The following SYNPR variants were observed in gnomAD, a reference collection of about 807,000 sequenced individuals.
SYNPR encodes synaptoporin.
In SYNPR, 23 loss-of-function variants were observed where a neutral mutation model predicts 32.9. The ratio of observed to expected loss-of-function variants is 0.70; its 90% confidence interval spans 0.50 to 0.99. The LOEUF (loss-of-function observed/expected upper bound fraction) is 0.99, where lower values mean the gene tolerates loss of function less well. Ranked by LOEUF, SYNPR falls within the 50% of genes least tolerant of loss-of-function variation. The probability of loss-of-function intolerance (pLI) is 0.00; values close to 1 mark genes in which losing one functional copy is unlikely to be tolerated. For missense variants in SYNPR, 318 were observed against 349.3 expected (o/e 0.91, Z 0.71); for synonymous variants, 146 against 135.9 (o/e 1.07, Z -0.52).
chr3:63,242,009 G>A (rs1352355902), intron 1 of SYNPR, among the ~76,000 whole-genome samples: 1 of 151,866 alleles, frequency 6.6e-6, no homozygotes, highest in African/African-American at 2.4e-5. Context: ...TATACATTGT[G>A]GAAGAATCTT....
At chr3:63,264,930 G>GGA (rs1553862068) in intron 2 of SYNPR, among the ~76,000 whole-genome samples, 66 of 151,222 alleles carry the variant, frequency 4.4e-4, no homozygotes, top group African/African-American at 1.6e-3. Context: ...GAATCATGGG[G>GGA]GAGCCATGAT....
chr3:63,471,484 A>G (rs955267570), intron 2 of SYNPR, among the ~76,000 whole-genome samples: 6 of 152,210 alleles, frequency 3.9e-5, no homozygotes, highest in African/African-American at 1.4e-4. Flanking sequence ...CAATTTCCTT[A>G]GAAAAATACG....
chr3:63,407,420 C>A (rs2088375137), intron 2 of SYNPR, among the ~76,000 whole-genome samples: 1 of 152,254 alleles, frequency 6.6e-6, no homozygotes, highest in East Asian at 1.9e-4. Context: ...TGAAATCAGC[C>A]AATCCAGATT....
chr3:63,218,083 A>G, the SYNPR span, among the ~76,000 whole-genome samples: 2 of 152,194 alleles, frequency 1.3e-5, no homozygotes, highest in African/African-American at 4.8e-5. Flanking sequence ...CAGTGACCCA[A>G]GATTGTGCCA....
At chr3:63,450,366 CTTAA>C (rs1399946527) in intron 2 of SYNPR, among the ~76,000 whole-genome samples, 1 of 152,282 alleles carries the variant, frequency 6.6e-6, no homozygotes, top group African/African-American at 2.4e-5. Flanking sequence ...ACCATTAAAA[CTTAA>C]TTTATTTAAG....
At chr3:63,434,250 C>A (rs987102259) in intron 2 of SYNPR, among the ~76,000 whole-genome samples, 1 of 152,130 alleles carries the variant, frequency 6.6e-6, no homozygotes, top group Non-Finnish European at 1.5e-5. Flanking sequence ...GAAAGAAAAA[C>A]CAGAAAGCCA....
chr3:63,472,179 C>T (rs1294105568), intron 2 of SYNPR, among the ~76,000 whole-genome samples: 1 of 152,096 alleles, frequency 6.6e-6, no homozygotes, highest in African/African-American at 2.4e-5. Flanking sequence ...TTAGAAAGCC[C>T]ATCTTCAATA....
chr3:63,377,558 C>T (rs868645368), intron 2 of SYNPR, among the ~76,000 whole-genome samples: 1 of 151,882 alleles, frequency 6.6e-6, no homozygotes, highest in Middle Eastern at 3.4e-3. Flanking sequence ...CAGTATGCTA[C>T]CAAATAAAAG....
At chr3:63,291,087 A>G (rs1412030259) in intron 2 of SYNPR, among the ~76,000 whole-genome samples, 2 of 152,118 alleles carry the variant, frequency 1.3e-5, no homozygotes, top group Non-Finnish European at 2.9e-5. Context: ...ATGAATAGAG[A>G]TTATTATTGT....
At chr3:63,447,520 G>A (rs979145571) in intron 2 of SYNPR, among the ~76,000 whole-genome samples, 1 of 152,272 alleles carries the variant, frequency 6.6e-6, no homozygotes, top group South Asian at 2.1e-4. Flanking sequence ...CTAGGCTGGT[G>A]TACAAATAGA....
At chr3:63,445,170 A>G (rs987444678) in intron 2 of SYNPR, among the ~76,000 whole-genome samples, 3 of 152,120 alleles carry the variant, frequency 2.0e-5, no homozygotes, top group African/African-American at 7.2e-5. Flanking sequence ...TTTGCTATAG[A>G]CAGAGCTTAT....
chr3:63,375,171 C>T (rs1413663311), intron 2 of SYNPR, among the ~76,000 whole-genome samples: 3 of 152,106 alleles, frequency 2.0e-5, no homozygotes, highest in Non-Finnish European at 2.9e-5. Context: ...GGTGATTCCT[C>T]AAGGATCTAG....
chr3:63,491,224 A>T (rs1701252478), intron 3 of SYNPR, among the ~76,000 whole-genome samples: 1 of 152,302 alleles, frequency 6.6e-6, no homozygotes, highest in South Asian at 2.1e-4. Flanking sequence ...ATGGAATATG[A>T]TTTTAAACAA....
At chr3:63,459,086 T>TA (rs1700536204) in intron 2 of SYNPR, among the ~76,000 whole-genome samples, 1 of 151,976 alleles carries the variant, frequency 6.6e-6, no homozygotes, top group Non-Finnish European at 1.5e-5. Flanking sequence ...CCCTCCCAAT[T>TA]AATCTCACCT....
intron 2 of SYNPR, among the ~76,000 whole-genome samples, chr3:63,294,893 A>G (rs1030023705): frequency 6.6e-6 from 1 of 152,100 alleles, no homozygotes; most frequent in Non-Finnish European, 1.5e-5. Flanking sequence ...TGTGGCTGAG[A>G]CACATATATG....
chr3:63,491,516 A>G (rs1020329373), intron 3 of SYNPR, among the ~76,000 whole-genome samples: 1 of 151,954 alleles, frequency 6.6e-6, no homozygotes, highest in Non-Finnish European at 1.5e-5. Context: ...GTTTATGTGT[A>G]TATGCATATA....
chr3:63,590,941 C>A lies in SYNPR; in HGVS notation c.409-18184C>A, dbSNP rs1358502119. ...ACACCAAAAGCAATGGCAACAAAAGCCAAAATTGACAAATGGGATCTAATT... is the reference window on the plus strand; with the variant it reads ...ACACCAAAAGCAATGGCAACAAAAGACAAAATTGACAAATGGGATCTAATT... On this transcript the variant is annotated intron_variant, in intron 4 of 5. Transcript: ENST00000478300. Among the ~76,000 whole-genome samples the A allele has an allele frequency of 7.9e-4, 116 of 146,156 alleles. 1 individual carries two copies. The East Asian group carries it at 0.021, about 26-fold the overall frequency.
At chr3:63,414,302 TG>T (rs1249411437) in intron 2 of SYNPR, among the ~76,000 whole-genome samples, 3 of 152,170 alleles carry the variant, frequency 2.0e-5, no homozygotes, top group African/African-American at 7.2e-5. Flanking sequence ...AAATATCTTT[TG>T]AAAAAACCTC....
intron 2 of SYNPR, among the ~76,000 whole-genome samples, chr3:63,337,436 C>T (rs1319633240): frequency 6.6e-6 from 1 of 152,062 alleles, no homozygotes; most frequent in Non-Finnish European, 1.5e-5. Context: ...ATGGTACAGT[C>T]ACTCTAGAAG....
Sources: gnomAD v4.1 joint callset for allele counts (sites outside exome capture counted in the v4.1 genomes callset) on GRCh38, gnomAD v4.1.1 for gene constraint, MANE v1.5 for transcripts, NCBI Gene and HGNC (gene_info 2026-07-23, HGNC 2026-07-21) for gene names.